Variants in CUL9 observed in about 807,000 individuals in gnomAD.
The protein encoded by CUL9 is cullin 9.
CUL9 carries 79 observed loss-of-function variants against 272.6 expected under a neutral mutation model. The ratio of observed to expected loss-of-function variants is 0.29; its 90% CI spans 0.24 to 0.35. CUL9 has a LOEUF of 0.35. Ranked by LOEUF, CUL9 falls within the 10% of genes least tolerant of loss-of-function variation. The probability of loss-of-function intolerance (pLI) is 1.00; values close to 1 mark genes in which losing one functional copy is unlikely to be tolerated. For synonymous variants in CUL9, 1,186 were observed against 1,286.5 expected (o/e 0.92, Z 1.67); for missense variants, 2,532 against 3,255.6 (o/e 0.78, Z 5.41).
chr6:43,183,109 CTA>C (rs1209354233), intron 1 of CUL9, among the ~76,000 whole-genome samples: 1 of 152,202 alleles, frequency 6.6e-6, no homozygotes, highest in African/African-American at 2.4e-5. Flanking sequence ...TTGTTCCAAA[CTA>C]TGCAGACAGT....
At chr6:43,190,060 A>G (rs971924665) in intron 8 of CUL9, among the ~76,000 whole-genome samples, 2 of 150,842 alleles carry the variant, frequency 1.3e-5, no homozygotes, top group Non-Finnish European at 3.0e-5. Context: ...AGGGCTTTCC[A>G]TATCAGTCTG....
In CUL9 at chr6:43,224,476, CCCCA is replaced by C; in HGVS notation, c.*32_*35del. ...CAGATGCAGGAAACACCTAGAGCAG[CCCCA>C]GAGTCACGGGGCTGAGGGGGCGGGA... is the stretch of plus-strand genomic sequence containing the variant. On this transcript the variant is annotated 3_prime_UTR_variant, in exon 41 of 41. Transcript: ENST00000252050. This position sits in a 1 kb window ranked among gnomAD's most constrained non-coding sequence, Gnocchi z 4.2. 1 of 1,593,358 alleles carries C rather than the reference CCCCA, an allele frequency of 6.3e-7. No homozygotes were observed. Among genetic ancestry groups the C allele is most frequent in the East Asian group, 2.2e-5 (1 of 44,600 alleles).
rs1315381727 is a variant in CUL9, at chr6:43,196,812, T to C, written c.2753T>C (p.Met918Thr). Residue 918 changes from methionine (M) to threonine (T), a missense_variant, in exon 11 of 41, where the codon ATG (methionine) becomes ACG (threonine). Coordinates refer to ENST00000252050, the MANE Select transcript of CUL9 (RefSeq NM_015089.4). Reference sequence around the variant, plus strand: ...ATGCCTACCACACGCACCATCCTCATGATGCTTCTCAATCGCTACTCAGAG... The same window carrying C: ...ATGCCTACCACACGCACCATCCTCACGATGCTTCTCAATCGCTACTCAGAG... ...EPMPTTRTIL[M>T]MLLNRYSEPP... 1 of 1,614,170 alleles carries C rather than the reference T, an allele frequency of 6.2e-7. No individual in the cohort carries two copies. Among genetic ancestry groups the C allele is most frequent in the Admixed American group, 1.7e-5 (1 of 60,016 alleles).
chr6:43,203,911 T>G lies in CUL9; in HGVS notation c.4083T>G (p.Asp1361Glu), dbSNP rs1774840982. The G allele has an allele frequency of 6.2e-7, 1 of 1,613,588 alleles. No homozygotes were observed. Among genetic ancestry groups the G allele is most frequent in the African/African-American group, 1.3e-5 (1 of 74,886 alleles). The change falls in exon 20 of 41, where the codon GAT becomes GAG. Residue 1361 changes from aspartate to glutamate, a missense_variant. Around this residue, in one of 3 missense-constraint regions of CUL9, gnomAD observed 2,218 missense variants for 2,788.6 expected, o/e 0.80. Coordinates refer to ENST00000252050, the MANE Select transcript of CUL9 (RefSeq NM_015089.4). The surrounding 1 kb of genome is among the most constrained non-coding windows in gnomAD (Gnocchi z 5.0). ...TTGCTGACCGCTTCCTCCCTGATGA[T>G]GAGGCCGCCCAGGCACTGGGCAAGA... ...QNFADRFLPDDEAAQALGKTC... is the reference protein window; with the variant it reads ...QNFADRFLPDEEAAQALGKTC...
rs952067826 is a variant in CUL9 at position 43,198,487 on chromosome 6, A to G, written c.2804-122A>G. The G allele has an allele frequency of 7.9e-6, 12 of 1,513,256 alleles. No homozygotes were observed. In the East Asian group the frequency reaches 1.1e-4, roughly 14 times the overall value. The allele number at this position is 1,513,256 out of a possible 1,614,324, so 93.7% of individuals were successfully genotyped here. ...ACCCCTCATAGTTTGGTTAAAAACT[A>G]TAGACATCCTCAATATAGAAGGAAA... On this transcript the variant is annotated intron_variant, in intron 11 of 40. Transcript: ENST00000252050.
intron 1 of CUL9, among the ~76,000 whole-genome samples, chr6:43,183,555 C>T (rs1464415077): frequency 6.6e-6 from 1 of 152,172 alleles, no homozygotes; most frequent in African/African-American, 2.4e-5. Context: ...TCCTTCCTGT[C>T]CACCCATGTC....
At chr6:43,186,590 G>A (rs559860760) in intron 4 of CUL9, 135 bp downstream of exon 4, 1 of 1,315,492 alleles carries the variant, frequency 7.6e-7, no homozygotes, top group East Asian at 2.5e-5. Context: ...CAAGGGGGTT[G>A]GCATTTGTGC....
At position 43,199,854 on chromosome 6, in the gene CUL9, C is replaced by T; in HGVS notation, c.3157-75C>T. 8.2e-7 allele frequency: 1 copy of T among 1,220,256 alleles called. No homozygotes were observed. The highest frequency in any genetic ancestry group is 1.5e-5 in the African/African-American group (1 of 67,368). 75.6% of individuals were successfully genotyped at this position (1,220,256 alleles called of 1,614,324 possible). A position where few individuals can be genotyped will look rare whatever the true frequency, so the allele number is the denominator to read the frequency against. On this transcript the variant is annotated intron_variant, in intron 13 of 40. Coordinates refer to ENST00000252050, the MANE Select transcript of CUL9 (RefSeq NM_015089.4). This position sits in a 1 kb window ranked among gnomAD's most constrained non-coding sequence, Gnocchi z 4.4. ...AATCTCAGCCACGACACTTCCTTTACTGAACCCTCTCCTCAATCCTTACAT... is the reference window on the plus strand; with the variant it reads ...AATCTCAGCCACGACACTTCCTTTATTGAACCCTCTCCTCAATCCTTACAT...
At chr6:43,185,866 AT>A in intron 3 of CUL9, 88 bp from the exon 4 acceptor site, 1 of 1,494,918 alleles carries the variant, frequency 6.7e-7, no homozygotes, top group South Asian at 1.4e-5. Flanking sequence ...GAAGGCCTTT[AT>A]ATTTTTCTGT....
chr6:43,188,739 G>A (rs980004148), intron 8 of CUL9, 24 bp downstream of exon 8: 2 of 1,559,822 alleles, frequency 1.3e-6, no homozygotes, highest in African/African-American at 1.4e-5. Context: ...GGAGGGAAGA[G>A]GTTTTGGTTG....
chr6:43,213,667 T>A lies in CUL9; in HGVS notation c.5489-46T>A, dbSNP rs758807399. ...ATGGGGTCATCTTAGTCCCCATTCA[T>A]CTGTCCCTCTGCCTCCTCTGGTACC... On this transcript the variant is annotated intron_variant, in intron 28 of 40. Coordinates refer to ENST00000252050, the MANE Select transcript of CUL9 (RefSeq NM_015089.4). The surrounding 1 kb of genome is among the most constrained non-coding windows in gnomAD (Gnocchi z 5.7). 6.2e-7 allele frequency: 1 copy of A among 1,607,794 alleles called. No individual in the cohort carries two copies.
chr6:43,200,494 T>C lies in CUL9; in HGVS notation c.3443T>C (p.Phe1148Ser). 6.2e-7 allele frequency: 1 copy of C among 1,614,158 alleles called. No homozygotes were observed. Among genetic ancestry groups the C allele is most frequent in the Non-Finnish European group, 8.5e-7 (1 of 1,180,028 alleles). Residue 1148 changes from phenylalanine to serine, a missense_variant, in exon 15 of 41, where the codon TTC becomes TCC. Phe to Ser is a radical substitution (Grantham distance 155, BLOSUM62 -2). Around this residue, in one of 3 missense-constraint regions of CUL9, gnomAD observed 2,218 missense variants for 2,788.6 expected, o/e 0.80. Coordinates refer to ENST00000252050, the MANE Select transcript of CUL9 (RefSeq NM_015089.4). The surrounding 1 kb of genome is among the most constrained non-coding windows in gnomAD (Gnocchi z 4.0). The stretch of plus-strand genomic sequence containing the variant: ...ACCCACCAACCCATCAATATCCCCT[T>C]CTTTGATGTGTTCCTCAGGCATCTC... ...RRTHQPINIP[F>S]FDVFLRHLCQ...
intron 8 of CUL9, among the ~76,000 whole-genome samples, chr6:43,191,486 T>TTTTTTTTTTTTTTTTTTTTC (rs1463626627): frequency 6.9e-6 from 1 of 145,392 alleles, no homozygotes; most frequent in Non-Finnish European, 1.5e-5. Context: ...AGCTAATTTT[T>TTTTTTTTTTTTTTTTTTTTC]TTTTTTTTTT....
chr6:43,193,100 C>T lies in CUL9; in HGVS notation c.2280C>T (p.Thr760=). Residue 760 remains threonine, a synonymous_variant, in exon 9 of 41, where the codon ACC becomes ACT. Coordinates refer to ENST00000252050, the MANE Select transcript of CUL9 (RefSeq NM_015089.4). The part of the protein sequence containing the change: ...QALRLLYLLM[T]KHEWRPLFAR... Reference sequence around the variant, plus strand: ...TGCGCCTCCTTTACCTGCTCATGACCAAGCACGAGTGGCGGCCGCTCTTTG... The same window carrying T: ...TGCGCCTCCTTTACCTGCTCATGACTAAGCACGAGTGGCGGCCGCTCTTTG... 1 of 1,614,198 alleles carries T rather than the reference C, an allele frequency of 6.2e-7. No individual in the cohort carries two copies. Among genetic ancestry groups the T allele is most frequent in the Non-Finnish European group, 8.5e-7 (1 of 1,180,044 alleles).
At chr6:43,208,009 G>C (rs1400889014) in intron 26 of CUL9, among the ~76,000 whole-genome samples, 2 of 152,120 alleles carry the variant, frequency 1.3e-5, no homozygotes, top group Non-Finnish European at 2.9e-5. Flanking sequence ...TGGTTTAACT[G>C]TATATATATT....
At chr6:43,183,838 C>T (rs772331502) in intron 1 of CUL9, among the ~76,000 whole-genome samples, 3 of 152,092 alleles carry the variant, frequency 2.0e-5, no homozygotes, top group Non-Finnish European at 4.4e-5. Context: ...CTGCAACCTC[C>T]GCCTCCTGGG....
chr6:43,203,751 G>A lies in CUL9; in HGVS notation c.4026-103G>A. The A allele has an allele frequency of 1.3e-6, 2 of 1,524,520 alleles. No individual in the cohort carries two copies. Among genetic ancestry groups the A allele is most frequent in the Non-Finnish European group, 1.8e-6 (2 of 1,131,926 alleles). The allele number at this position is 1,524,520 out of a possible 1,614,324, so 94.4% of individuals were successfully genotyped here. On this transcript the variant is annotated intron_variant, in intron 19 of 40. Coordinates refer to ENST00000252050, the MANE Select transcript of CUL9 (RefSeq NM_015089.4). This position sits in a 1 kb window ranked among gnomAD's most constrained non-coding sequence, Gnocchi z 5.0. ...GTTTGTGTTAATTGGGAAAAGTTGG[G>A]TCAGGGACCGAACAGGGGTGATTGG...
chr6:43,218,927 G>A lies in CUL9; in HGVS notation c.6283-1532G>A, dbSNP rs73736732. On this transcript the variant is annotated intron_variant, in intron 31 of 40. Transcript: ENST00000252050. The surrounding 1 kb of genome is among the most constrained non-coding windows in gnomAD (Gnocchi z 4.4). ...GCAGGCCTTACCCAAGGAGAAAGAA[G>A]CAGACCCAGGGAACCAAGCCTGTAA... Among the ~76,000 whole-genome samples, 4,312 of 152,220 alleles carry A rather than the reference G, an allele frequency of 0.028. 111 individuals carry two copies. The highest frequency in any genetic ancestry group is 0.076 in the African/African-American group (3,168 of 41,528).
chr6:43,187,761 G>T lies in CUL9; in HGVS notation c.1630G>T (p.Ala544Ser), dbSNP rs747677366. Residue 544 changes from alanine to serine, a missense_variant, in exon 7 of 41, where the codon GCC becomes TCC. Transcript: ENST00000252050. Reference protein sequence around the residue: ...LGEISVSVEMAESLLQVLSSR... With the variant: ...LGEISVSVEMSESLLQVLSSR... The stretch of plus-strand genomic sequence containing the variant: ...TGAGATCTCTGTGTCCGTGGAAATG[G>T]CCGAGAGTCTGCTGCAGGTTCTCAG... 6 of 1,613,480 alleles carry T rather than the reference G, an allele frequency of 3.7e-6. No homozygotes were observed. The highest frequency in any genetic ancestry group is 5.1e-6 in the Non-Finnish European group (6 of 1,179,966).
Sources: gnomAD v4.1 joint callset for allele counts (sites outside exome capture counted in the v4.1 genomes callset) on GRCh38, gnomAD v4.1.1 for gene constraint, gnomAD v4.1.1 regional missense constraint, Gnocchi (gnomAD v3.1) non-coding constraint, MANE v1.5 for transcripts, NCBI Gene and HGNC (gene_info 2026-07-23, HGNC 2026-07-21) for gene names.